NECTIN1: variants seen among roughly 807,000 people sequenced by gnomAD.
The protein encoded by NECTIN1 is nectin cell adhesion molecule 1.
NECTIN1 carries 23 observed loss-of-function variants against 48.0 expected under a neutral mutation model. That is an observed-to-expected ratio of 0.48 (90% confidence interval 0.34 to 0.68). The LOEUF is 0.68. Among genes scored for constraint, NECTIN1 ranks in the 30% least tolerant of loss-of-function variants. The pLI is 0.01. For missense variants in NECTIN1, 591 were observed against 709.9 expected (o/e 0.83, Z 1.90); for synonymous variants, 270 against 288.9 (o/e 0.93, Z 0.66).
At chr11:119,660,056 G>T (rs11217378), downstream of NECTIN1, among the ~76,000 whole-genome samples, 1 of 152,092 alleles carries the variant, frequency 6.6e-6, no homozygotes, top group Non-Finnish European at 1.5e-5. Flanking sequence ...ACTTCTGCCC[G>T]TCCAGCCCCA....
rs1033019023 is a variant in NECTIN1, at chr11:119,662,441, C to T, written c.*2306G>A. On this transcript the variant is annotated 3_prime_UTR_variant, in exon 6 of 6. Transcript: ENST00000264025. This position sits in a 1 kb window ranked among gnomAD's most constrained non-coding sequence, Gnocchi z 5.3. ...CTACGTGGCCCATGCTACATGGACCCCAAAATTTGTGCTTTGCTTGTGGGG... is the reference window on the plus strand; with the variant it reads ...CTACGTGGCCCATGCTACATGGACCTCAAAATTTGTGCTTTGCTTGTGGGG... The T allele has an allele frequency of 1.0e-6, 1 of 985,592 alleles. No homozygotes were observed. Among genetic ancestry groups the T allele is most frequent in the Non-Finnish European group, 1.2e-6 (1 of 829,948 alleles). The allele number at this position is 985,592 out of a possible 1,614,324, so 61.1% of individuals were successfully genotyped here. A position where few individuals can be genotyped will look rare whatever the true frequency, so the allele number is the denominator to read the frequency against.
intron 5 of NECTIN1, among the ~76,000 whole-genome samples, chr11:119,648,254 A>T (rs1369897015): frequency 1.2e-3 from 20 of 16,736 alleles, no homozygotes; most frequent in African/African-American, 2.4e-3. Flanking sequence ...GTGGTGATAG[A>T]GGTGGTAATA....
intron 1 of NECTIN1, chr11:119,713,565 G>T: frequency 7.7e-6 from 1 of 129,060 alleles, no homozygotes. Context: ...GACTGTCTCT[G>T]CCCAGCCTTG....
intron 6 of NECTIN1, chr11:119,639,445 GT>G: frequency 8.4e-6 from 2 of 236,822 alleles, no homozygotes; most frequent in Non-Finnish European, 1.7e-5. Context: ...ATGGTTGAGG[GT>G]TTTGGCTCCC....
In NECTIN1 at chr11:119,661,766, C is replaced by T; in HGVS notation, c.*2981G>A. ...TGGGAAATTCGTTTCTCCTTAATGG[C>T]TTTCAGCAGGATCAGACCATTCCCT... On this transcript the variant is annotated 3_prime_UTR_variant, in exon 6 of 6. Coordinates refer to ENST00000264025, the MANE Select transcript of NECTIN1 (RefSeq NM_002855.5). The T allele has an allele frequency of 2.0e-6, 2 of 985,682 alleles. No homozygotes were observed. Among genetic ancestry groups the T allele is most frequent in the Non-Finnish European group, 2.4e-6 (2 of 829,982 alleles). The allele number at this position is 985,682 out of a possible 1,614,324, so 61.1% of individuals were successfully genotyped here.
chr11:119,712,651 G>A (rs753871609), intron 1 of NECTIN1, among the ~76,000 whole-genome samples: 2 of 152,032 alleles, frequency 1.3e-5, no homozygotes, highest in African/African-American at 2.4e-5. Context: ...CCACCACAAG[G>A]CTTACAAAAG....
At chr11:119,721,549 G>T (rs369065683) in intron 1 of NECTIN1, among the ~76,000 whole-genome samples, 2 of 152,244 alleles carry the variant, frequency 1.3e-5, no homozygotes, top group African/African-American at 2.4e-5. Flanking sequence ...GGGTTTTATT[G>T]TCTGTGGTTT....
chr11:119,697,323 G>A (rs1048751684), intron 1 of NECTIN1, among the ~76,000 whole-genome samples: 3 of 152,098 alleles, frequency 2.0e-5, no homozygotes, highest in Non-Finnish European at 2.9e-5. Context: ...GCCCTGCTGT[G>A]TCTCTTCATC....
Position 119,684,918 on chromosome 11 carries a change from A to G in NECTIN1, c.80-6153T>C, listed in dbSNP as rs916763978. Among the ~76,000 whole-genome samples the G allele has an allele frequency of 1.2e-4, 18 of 152,044 alleles. No homozygotes were observed. The highest frequency in any genetic ancestry group is 4.4e-4 in the African/African-American group (18 of 41,368). ...TCTCATTTCCCCATTAGTCCAGGAG[A>G]TTCACGGGTGCCCAGGCTGCCCCCT... On this transcript the variant is annotated intron_variant, in intron 1 of 5. Coordinates refer to ENST00000264025, the MANE Select transcript of NECTIN1 (RefSeq NM_002855.5). The surrounding 1 kb of genome is among the most constrained non-coding windows in gnomAD (Gnocchi z 5.2).
rs150290487 is a variant in NECTIN1 at position 119,678,563 on chromosome 11, G to A, written c.282C>T (p.Arg94=). The change falls in exon 2 of 6, where the codon CGC becomes CGT. Residue 94 remains arginine, a synonymous_variant. Coordinates refer to ENST00000264025, the MANE Select transcript of NECTIN1 (RefSeq NM_002855.5). This position sits in a 1 kb window ranked among gnomAD's most constrained non-coding sequence, Gnocchi z 4.4. ...AGGGCCGCAGGAATTCCACACGCTCGCGGTAGGGAGCCAGCACGGACACGC... is the reference window on the plus strand; with the variant it reads ...AGGGCCGCAGGAATTCCACACGCTCACGGTAGGGAGCCAGCACGGACACGC... ...SMGVSVLAPY[R]ERVEFLRPSF... is the part of the protein sequence containing the mutation. 7.9e-5 allele frequency: 128 copies of A among 1,614,182 alleles called. No homozygotes were observed. The highest frequency in any genetic ancestry group is 1.1e-4 in the African/African-American group (8 of 75,036).
chr11:119,646,434 A>G lies in NECTIN1; in HGVS notation c.1004-6422T>C, dbSNP rs564071432. On this transcript the variant is annotated intron_variant, in intron 5 of 7. Transcript: ENST00000341398. The stretch of plus-strand genomic sequence containing the variant: ...GTTGCTGCTGACGGTAACGGGGATG[A>G]TGTTGGCCCATCCCCCCTCCGTAGA... Among the ~76,000 whole-genome samples, 4 of 152,310 alleles carry G rather than the reference A, an allele frequency of 2.6e-5. No individual in the cohort carries two copies. The South Asian group carries it at 8.3e-4, about 32-fold the overall frequency.
intron 1 of NECTIN1, among the ~76,000 whole-genome samples, chr11:119,697,286 A>C (rs1461682014): frequency 1.8e-4 from 12 of 67,502 alleles, no homozygotes; most frequent in Admixed American, 1.7e-3. Context: ...AATTAAAAAA[A>C]TATGCATTTT....
intron 1 of NECTIN1, among the ~76,000 whole-genome samples, chr11:119,726,145 C>T (rs1353939273): frequency 6.6e-6 from 1 of 152,166 alleles, no homozygotes; most frequent in Non-Finnish European, 1.5e-5. Context: ...TCCTCAAACC[C>T]CCAGACCCAG....
intron 1 of NECTIN1, among the ~76,000 whole-genome samples, chr11:119,707,258 TC>T (rs1360379916): frequency 2.0e-5 from 3 of 152,062 alleles, no homozygotes; most frequent in Non-Finnish European, 4.4e-5. Context: ...CTGACCTCTC[TC>T]CCCACCCCAC....
intron 1 of NECTIN1, among the ~76,000 whole-genome samples, chr11:119,716,693 G>A (rs1865747152): frequency 6.6e-6 from 1 of 152,192 alleles, no homozygotes; most frequent in Non-Finnish European, 1.5e-5. Context: ...TGTAGACCTT[G>A]CCCGGACAGT....
rs889458311 is a variant in NECTIN1 at position 119,677,176 on chromosome 11, G to A, written c.777C>T (p.Tyr259=). The A allele has an allele frequency of 6.2e-7, 1 of 1,614,018 alleles. No individual in the cohort carries two copies. Among genetic ancestry groups the A allele is most frequent in the Non-Finnish European group, 8.5e-7 (1 of 1,180,042 alleles). ...VTIEGFDGNW[Y]LQRMDVKLTC... is the part of the protein sequence containing the mutation. ...TGAGCTTCACGTCCATCCGCTGCAGGTACCAGTTGCCATCAAACCCCTCAA... is the reference window on the plus strand; with the variant it reads ...TGAGCTTCACGTCCATCCGCTGCAGATACCAGTTGCCATCAAACCCCTCAA... The change falls in exon 4 of 6, where the codon TAC becomes TAT. Residue 259 remains tyrosine, a synonymous_variant. Transcript: ENST00000264025. This position sits in a 1 kb window ranked among gnomAD's most constrained non-coding sequence, Gnocchi z 5.4.
At chr11:119,658,439 C>CTGCT (rs1864610604), downstream of NECTIN1, among the ~76,000 whole-genome samples, 1 of 152,140 alleles carries the variant, frequency 6.6e-6, no homozygotes, top group African/African-American at 2.4e-5. Flanking sequence ...AACCCAAGGA[C>CTGCT]TGCTCTGCAT....
Position 119,663,512 on chromosome 11 carries a change from G to A in NECTIN1, c.*1235C>T, listed in dbSNP as rs922220318. On this transcript the variant is annotated 3_prime_UTR_variant, in exon 6 of 6. Transcript: ENST00000264025. ...ACCCCCCTCACTTTCTGCCAGGCCC[G>A]AGGCTTTGACAATGGCCTTTGTGTG... The A allele has an allele frequency of 1.3e-5, 13 of 985,548 alleles. No homozygotes were observed. The South Asian group carries it at 1.9e-4, about 14-fold the overall frequency. The allele number at this position is 985,548 out of a possible 1,614,324, so 61.1% of individuals were successfully genotyped here.
chr11:119,681,993 G>T (rs1247338094), intron 1 of NECTIN1, among the ~76,000 whole-genome samples: 1 of 152,140 alleles, frequency 6.6e-6, no homozygotes, highest in Non-Finnish European at 1.5e-5. Context: ...CATTGAGGGT[G>T]GGGACTGGAT....
Sources: gnomAD v4.1 joint callset for allele counts (sites outside exome capture counted in the v4.1 genomes callset) on GRCh38, gnomAD v4.1.1 for gene constraint, Gnocchi (gnomAD v3.1) non-coding constraint, MANE v1.5 for transcripts, NCBI Gene and HGNC (gene_info 2026-07-23, HGNC 2026-07-21) for gene names.